The following PRKN variants were observed in gnomAD, a reference collection of about 807,000 sequenced individuals.
PRKN encodes E3 ubiquitin-protein ligase parkin.
Under a neutral mutation model 59.5 loss-of-function variants are expected in PRKN, and 56 were observed. The observed-to-expected ratio is 0.94, with a 90% CI of 0.76 to 1.18. PRKN has a LOEUF of 1.18. Among genes scored for constraint, PRKN ranks in the 50% most tolerant of loss-of-function variants. The pLI is 0.00. For synonymous variants in PRKN, 250 were observed against 222.1 expected, an observed-to-expected ratio of 1.13 and a Z score of -1.12; for missense variants, 657 against 596.4, an observed-to-expected ratio of 1.10 and a Z score of -1.06.
intron 7 of PRKN, among the ~76,000 whole-genome samples, chr6:161,696,157 G>A (rs1356338292): frequency 6.6e-6 from 1 of 152,164 alleles, no homozygotes; most frequent in African/African-American, 2.4e-5. Flanking sequence ...ATGACAATCA[G>A]TAGATAAAAA....
At chr6:162,188,625 T>C (rs59524724) in intron 4 of PRKN, among the ~76,000 whole-genome samples, 18,091 of 152,194 alleles carry the variant, frequency 0.12, 1,402 homozygotes, top group Admixed American at 0.21. Flanking sequence ...CGCTGTTCTT[T>C]GAAAAGAAAA....
At chr6:162,020,853 C>G (rs967525399) in intron 5 of PRKN, among the ~76,000 whole-genome samples, 1 of 151,708 alleles carries the variant, frequency 6.6e-6, no homozygotes, top group Non-Finnish European at 1.5e-5. Context: ...GCCTGTAATC[C>G]CAGCACTTTG....
chr6:161,772,462 G>T (rs900012780), intron 7 of PRKN, among the ~76,000 whole-genome samples: 1 of 152,214 alleles, frequency 6.6e-6, no homozygotes, highest in African/African-American at 2.4e-5. Flanking sequence ...CAATCGACAT[G>T]TTCTGATATA....
chr6:161,955,545 G>T (rs945251506), intron 6 of PRKN, among the ~76,000 whole-genome samples: 1 of 152,096 alleles, frequency 6.6e-6, no homozygotes, highest in African/African-American at 2.4e-5. Context: ...GCCAAAGAAG[G>T]GTTTGTATTA....
chr6:161,802,622 C>A (rs1401455402), intron 6 of PRKN, among the ~76,000 whole-genome samples: 2 of 152,170 alleles, frequency 1.3e-5, no homozygotes, highest in Non-Finnish European at 2.9e-5. Context: ...GTCTCCTTTG[C>A]AACGAGCCCC....
At chr6:161,636,098 C>CTATGA in intron 7 of PRKN, among the ~76,000 whole-genome samples, 1 of 152,318 alleles carries the variant, frequency 6.6e-6, no homozygotes, top group South Asian at 2.1e-4. Context: ...ATGAGCAGGC[C>CTATGA]GTTGTGCTGA....
intron 8 of PRKN, among the ~76,000 whole-genome samples, chr6:161,556,722 CTTATCAAT>C (rs1780252487): frequency 6.6e-6 from 1 of 152,130 alleles, no homozygotes. Context: ...GGCTTTTTTA[CTTATCAAT>C]ATTGAATAGC....
At chr6:162,169,410 T>C (rs1783149808) in intron 4 of PRKN, among the ~76,000 whole-genome samples, 1 of 152,214 alleles carries the variant, frequency 6.6e-6, no homozygotes, top group African/African-American at 2.4e-5. Context: ...ACCAGTAAGT[T>C]TGCGTTTGTC....
chr6:161,938,172 C>T (rs1779424079), intron 6 of PRKN, among the ~76,000 whole-genome samples: 1 of 152,162 alleles, frequency 6.6e-6, no homozygotes, highest in South Asian at 2.1e-4. Context: ...TAAGGAACAA[C>T]TGTTGATTTT....
intron 9 of PRKN, among the ~76,000 whole-genome samples, chr6:161,510,716 G>T (rs1410755279): frequency 6.6e-6 from 1 of 152,142 alleles, no homozygotes; most frequent in East Asian, 1.9e-4. Flanking sequence ...TTATGTTTTT[G>T]CTAACCTTCA....
chr6:161,583,578 T>C (rs1781422370), intron 7 of PRKN, among the ~76,000 whole-genome samples: 2 of 152,160 alleles, frequency 1.3e-5, no homozygotes, highest in Non-Finnish European at 2.9e-5. Flanking sequence ...AATATTAAAA[T>C]AGTTGAGAAA....
In PRKN at chr6:161,498,842, C is replaced by A. The variant is rs1583156321; in HGVS notation, c.1083+50012G>T. 6.6e-6 allele frequency among the ~76,000 whole-genome samples: 1 copy of A among 152,272 alleles called. No homozygotes were observed. The highest frequency in any genetic ancestry group is 2.1e-4 in the South Asian group (1 of 4,826). On this transcript the variant is annotated intron_variant, in intron 9 of 11. Transcript: ENST00000366898. This position sits in a 1 kb window ranked among gnomAD's most constrained non-coding sequence, Gnocchi z 4.2. ...TATTCTTTGGGAATTCTAGCGGCTA[C>A]ATTCTATTTTTCAAGTGAAATATGC...
chr6:162,130,285 C>T (rs545156447), intron 4 of PRKN, among the ~76,000 whole-genome samples: 4 of 152,036 alleles, frequency 2.6e-5, no homozygotes, highest in Non-Finnish European at 5.9e-5. Flanking sequence ...TTAGTCAAAC[C>T]CATTCATTTC....
At chr6:162,169,960 C>T (rs1470478745) in intron 4 of PRKN, among the ~76,000 whole-genome samples, 2 of 152,126 alleles carry the variant, frequency 1.3e-5, no homozygotes, top group Non-Finnish European at 2.9e-5. Flanking sequence ...AAGAAAGCGA[C>T]GATCCAACAG....
intron 9 of PRKN, among the ~76,000 whole-genome samples, chr6:161,485,422 T>C (rs990083211): frequency 1.3e-5 from 2 of 152,204 alleles, no homozygotes; most frequent in African/African-American, 4.8e-5. Context: ...TAATGGACAA[T>C]GTGAACACTC....
intron 9 of PRKN, among the ~76,000 whole-genome samples, chr6:161,478,633 C>T (rs1230717029): frequency 6.6e-6 from 1 of 152,134 alleles, no homozygotes; most frequent in African/African-American, 2.4e-5. Flanking sequence ...TCATGTGAGT[C>T]CAGGGGTTTG....
intron 1 of PRKN, among the ~76,000 whole-genome samples, chr6:162,595,090 C>T (rs929775304): frequency 3.3e-5 from 5 of 151,702 alleles, no homozygotes; most frequent in African/African-American, 4.8e-5. Flanking sequence ...AGGAGAATGG[C>T]GTGAACCTGA....
At chr6:162,697,907 T>G (rs1778024543) in intron 1 of PRKN, among the ~76,000 whole-genome samples, 1 of 152,048 alleles carries the variant, frequency 6.6e-6, no homozygotes, top group South Asian at 2.1e-4. Context: ...GAATAAGGAG[T>G]ACTGAGTTGA....
chr6:161,520,264 G>A (rs372614491), intron 9 of PRKN, among the ~76,000 whole-genome samples: 20 of 132,170 alleles, frequency 1.5e-4, no homozygotes, highest in African/African-American at 3.1e-4. Flanking sequence ...TTGCTCTGTC[G>A]TCCAGGCTGG....
Sources: allele counts gnomAD v4.1 joint callset (sites outside exome capture counted in the v4.1 genomes callset), GRCh38; gene constraint gnomAD v4.1.1; non-coding constraint Gnocchi (gnomAD v3.1); transcripts MANE v1.5; gene names NCBI Gene and HGNC (gene_info 2026-07-23, HGNC 2026-07-21).